The following MYO1H variants were observed in gnomAD, a reference collection of about 807,000 sequenced individuals.
The protein encoded by MYO1H is unconventional myosin-Ih.
Under a neutral mutation model 149.3 loss-of-function variants are expected in MYO1H, and 118 were observed. The ratio of observed to expected loss-of-function variants is 0.79; its 90% CI spans 0.68 to 0.92. The LOEUF (loss-of-function observed/expected upper bound fraction) is 0.92, where lower values mean the gene tolerates loss of function less well. Ranked by LOEUF, MYO1H falls within the 40% of genes least tolerant of loss-of-function variation. The pLI is 0.00. For synonymous variants in MYO1H, 447 were observed against 465.2 expected, an observed-to-expected ratio of 0.96 and a Z score of 0.50; for missense variants, 1,212 against 1,280.7, an observed-to-expected ratio of 0.95 and a Z score of 0.82.
At chr12:109,335,545 A>C in the MYO1H span, among the ~76,000 whole-genome samples, 1 of 151,652 alleles carries the variant, frequency 6.6e-6, no homozygotes, top group Non-Finnish European at 1.5e-5. Flanking sequence ...TAGCTATTAC[A>C]ATCTGTTTCT....
At chr12:109,316,151 T>C in the MYO1H span, among the ~76,000 whole-genome samples, 1 of 133,234 alleles carries the variant, frequency 7.5e-6, no homozygotes, top group South Asian at 2.4e-4. Flanking sequence ...CTCTTTTTTA[T>C]GTCACAGATT....
upstream of MYO1H, chr12:109,347,809 A>G: frequency 2.5e-6 from 1 of 395,814 alleles, no homozygotes; most frequent in Non-Finnish European, 4.5e-6. Flanking sequence ...CTCCCACCGT[A>G]AATTATTAAC....
exon 19 of MYO1H, chr12:109,427,471 A>G (rs1871396982): frequency 6.2e-7 from 1 of 1,607,874 alleles, no homozygotes; most frequent in Non-Finnish European, 8.5e-7. Context: ...CTCCAAAGGC[A>G]AATTTGATGA....
intron 5 of MYO1H, among the ~76,000 whole-genome samples, chr12:109,398,741 C>CAAAAAAAAAA (rs35031072): frequency 1.9e-5 from 1 of 51,994 alleles, no homozygotes; most frequent in Admixed American, 2.7e-4. Flanking sequence ...AACTTCCTCT[C>CAAAAAAAAAA]AAAAAAAAAA....
At chr12:109,379,467 A>G (rs1372787667) in intron 1 of MYO1H, among the ~76,000 whole-genome samples, 9 of 152,158 alleles carry the variant, frequency 5.9e-5, no homozygotes, top group Non-Finnish European at 1.0e-4. Context: ...GTCAGTTTCT[A>G]TCAGAGAGAG....
chr12:109,380,340 A>AC (rs1299000300), intron 1 of MYO1H, among the ~76,000 whole-genome samples: 2 of 152,188 alleles, frequency 1.3e-5, no homozygotes, highest in African/African-American at 2.4e-5. Context: ...AAACAAAATT[A>AC]AATTTAAAAA....
In MYO1H at chr12:109,358,846, TAAAA is replaced by T. The variant is rs541289093; in HGVS notation, c.12+10895_12+10898del. Among the ~76,000 whole-genome samples the T allele has an allele frequency of 3.1e-3, 264 of 84,528 alleles. 4 individuals carry two copies. The highest frequency in any genetic ancestry group is 9.4e-3 in the African/African-American group (167 of 17,856). 55.5% of individuals were successfully genotyped at this position (84,528 alleles called of 152,430 possible). A position where few individuals can be genotyped will look rare whatever the true frequency, so the allele number is the denominator to read the frequency against. On this transcript the variant is annotated intron_variant, in intron 1 of 31. Transcript: ENST00000310903. ...TTCTGGGGGAAGCATCCTGTGGTGT[TAAAA>T]AAAAAAAAAAAAAAAAAAAAGGCTC... is the stretch of plus-strand genomic sequence containing the variant.
exon 3 of MYO1H, chr12:109,393,395 G>A (rs762691295): frequency 4.2e-5 from 67 of 1,589,288 alleles, no homozygotes; most frequent in Non-Finnish European, 5.1e-5. Context: ...TACACTGTGA[G>A]CCAGATGGAA....
At chr12:109,322,823 A>G in the MYO1H span, among the ~76,000 whole-genome samples, 3 of 141,932 alleles carry the variant, frequency 2.1e-5, no homozygotes, top group Admixed American at 6.8e-5. Context: ...CCGTCTCAAA[A>G]AAAAAAAAAA....
chr12:109,399,690 T>C (rs970983131), intron 5 of MYO1H, among the ~76,000 whole-genome samples: 2 of 151,546 alleles, frequency 1.3e-5, no homozygotes, highest in Non-Finnish European at 2.9e-5. Context: ...GGTGAGAGGA[T>C]TGCTTGAGTC....
rs544074593 is a variant in MYO1H, at chr12:109,435,093, A to C, written c.2120A>C (p.Glu707Ala). Residue 707 changes from glutamate to alanine, a missense_variant, in exon 21 of 32, where the codon GAA becomes GCA. Coordinates refer to ENST00000310903, the Ensembl canonical transcript of MYO1H. ...CTGTTTGCTACCGAAGATGCCTTTG[A>C]ATTTAGTAAACATCAACTAGGTATG... 6 of 1,607,658 alleles carry C rather than the reference A, an allele frequency of 3.7e-6. No individual in the cohort carries two copies. In the East Asian group the frequency reaches 8.9e-5, roughly 24 times the overall value.
intron 1 of MYO1H, among the ~76,000 whole-genome samples, chr12:109,360,443 T>C (rs1477638872): frequency 6.6e-6 from 1 of 152,182 alleles, no homozygotes; most frequent in African/African-American, 2.4e-5. Flanking sequence ...ATCTCTCTTC[T>C]CTGTCTCTGT....
At chr12:109,330,906 C>T in the MYO1H span, among the ~76,000 whole-genome samples, 8 of 151,918 alleles carry the variant, frequency 5.3e-5, no homozygotes, top group African/African-American at 1.7e-4. Context: ...GTGTTTATGT[C>T]GGAGGGGTTT....
intron 27 of MYO1H, 104 bp from the exon 28 acceptor site, chr12:109,443,410 T>G (rs1872327835): frequency 2.3e-6 from 3 of 1,320,910 alleles, no homozygotes; most frequent in African/African-American, 1.5e-5. Flanking sequence ...GCAAAATCTG[T>G]TTGAGCTTTT....
At chr12:109,351,935 G>A (rs1169935869) in intron 1 of MYO1H, among the ~76,000 whole-genome samples, 1 of 152,144 alleles carries the variant, frequency 6.6e-6, no homozygotes, top group African/African-American at 2.4e-5. Context: ...TTTACTCATC[G>A]CTGTCATATG....
At chr12:109,366,445 A>C (rs1310427974) in intron 1 of MYO1H, among the ~76,000 whole-genome samples, 7 of 152,180 alleles carry the variant, frequency 4.6e-5, no homozygotes, top group Non-Finnish European at 1.0e-4. Flanking sequence ...AGTACCCCTC[A>C]AGGCTAACCA....
rs1309229226 is a variant in MYO1H at position 109,427,597 on chromosome 12, C to A, written c.1949+11C>A. On this transcript the variant is annotated intron_variant, in intron 19 of 31. Transcript: ENST00000310903. ...GCATTTCTTGCAAAGGTAAAATGTG[C>A]TTTATTGATCTGAAGCCAATAGTCA... 4 of 1,563,044 alleles carry A rather than the reference C, an allele frequency of 2.6e-6. No individual in the cohort carries two copies. Among genetic ancestry groups the A allele is most frequent in the Non-Finnish European group, 2.6e-6 (3 of 1,134,386 alleles).
At chr12:109,392,030 G>C (rs1312585203) in intron 2 of MYO1H, among the ~76,000 whole-genome samples, 2 of 152,200 alleles carry the variant, frequency 1.3e-5, no homozygotes, top group Non-Finnish European at 2.9e-5. Context: ...TCTGGTGATA[G>C]TTTCTTTTGC....
chr12:109,349,996 T>C (rs1868430125), intron 1 of MYO1H, among the ~76,000 whole-genome samples: 1 of 149,554 alleles, frequency 6.7e-6, no homozygotes, highest in African/African-American at 2.4e-5. Flanking sequence ...TATTATATTA[T>C]TTTATATTAT....
Sources: allele counts gnomAD v4.1 joint callset (sites outside exome capture counted in the v4.1 genomes callset), GRCh38; gene constraint gnomAD v4.1.1; transcripts MANE v1.5; gene names NCBI Gene and HGNC (gene_info 2026-07-23, HGNC 2026-07-21).